Variants in KCNH1 observed in about 807,000 individuals in gnomAD.
KCNH1 encodes voltage-gated delayed rectifier potassium channel KCNH1.
A neutral mutation model predicts 69.2 loss-of-function variants in KCNH1; 27 were observed. The ratio of observed to expected loss-of-function variants is 0.39; its 90% confidence interval spans 0.29 to 0.54. The LOEUF (loss-of-function observed/expected upper bound fraction) is 0.54. KCNH1 is among the 20% of genes least tolerant of loss of function. The pLI is 0.68. For missense variants in KCNH1, 798 were observed against 1,261.6 expected, an observed-to-expected ratio of 0.63 and a Z score of 5.57; for synonymous variants, 456 against 487.7, an observed-to-expected ratio of 0.93 and a Z score of 0.86.
intron 6 of KCNH1, among the ~76,000 whole-genome samples, chr1:210,991,214 A>G (rs967224562): frequency 6.6e-6 from 1 of 152,226 alleles, no homozygotes; most frequent in Non-Finnish European, 1.5e-5. Flanking sequence ...CTAAGTGTCC[A>G]TGGTTGGATG....
chr1:211,038,661 G>C lies in KCNH1; in HGVS notation c.559-19405C>G, dbSNP rs190895982. 1.4e-4 allele frequency among the ~76,000 whole-genome samples: 21 copies of C among 152,294 alleles called. 1 individual carries two copies. Among genetic ancestry groups the C allele is most frequent in the African/African-American group, 5.1e-4 (21 of 41,568 alleles). On this transcript the variant is annotated intron_variant, in intron 5 of 10. Coordinates refer to ENST00000271751, the MANE Select transcript of KCNH1 (RefSeq NM_172362.3). ...GAGATGAGGAACTTGTTGGGGACTG[G>C]AGCAAAGGTGACTCTTGTTATGTTT...
chr1:210,917,509 C>T (rs1166214591), intron 7 of KCNH1, among the ~76,000 whole-genome samples: 1 of 152,150 alleles, frequency 6.6e-6, no homozygotes, highest in African/African-American at 2.4e-5. Flanking sequence ...AAAAAACCCC[C>T]AACTACTTAC....
At chr1:211,077,137 GT>G (rs1345284241) in intron 5 of KCNH1, among the ~76,000 whole-genome samples, 13 of 152,156 alleles carry the variant, frequency 8.5e-5, no homozygotes, top group Non-Finnish European at 1.5e-4. Flanking sequence ...CATTTGATTG[GT>G]GTACCTGAAA....
intron 7 of KCNH1, among the ~76,000 whole-genome samples, chr1:210,849,638 T>G (rs1184395019): frequency 6.6e-6 from 1 of 152,034 alleles, no homozygotes; most frequent in Non-Finnish European, 1.5e-5. Context: ...AGTGCTGGGA[T>G]TACAGGCATG....
At chr1:211,083,606 A>G (rs1690899957) in intron 4 of KCNH1, among the ~76,000 whole-genome samples, 1 of 152,220 alleles carries the variant, frequency 6.6e-6, no homozygotes, top group Admixed American at 6.5e-5. Context: ...TATCAAGGTT[A>G]TGACCATGGC....
intron 4 of KCNH1, among the ~76,000 whole-genome samples, chr1:211,085,955 T>C (rs1352550739): frequency 1.3e-5 from 2 of 152,192 alleles, no homozygotes; most frequent in Non-Finnish European, 2.9e-5. Flanking sequence ...GGAAGGATAC[T>C]GACCTACCCC....
chr1:210,745,073 C>T (rs539203267), intron 10 of KCNH1, among the ~76,000 whole-genome samples: 10 of 152,144 alleles, frequency 6.6e-5, no homozygotes, highest in Non-Finnish European at 1.3e-4. Flanking sequence ...CGTGGTGGTG[C>T]GTGCCTGTAG....
At chr1:210,857,198 G>T (rs371414048) in intron 7 of KCNH1, among the ~76,000 whole-genome samples, 14 of 151,436 alleles carry the variant, frequency 9.2e-5, no homozygotes, top group Non-Finnish European at 2.1e-4. Flanking sequence ...TCACACCAGC[G>T]ACTACACGTT....
intron 1 of KCNH1, among the ~76,000 whole-genome samples, chr1:211,118,706 G>A (rs1465882964): frequency 6.6e-6 from 1 of 152,212 alleles, no homozygotes; most frequent in East Asian, 1.9e-4. Flanking sequence ...GTAGTCAGAA[G>A]TGTCAAAATC....
chr1:211,077,269 C>A (rs1690752836), intron 5 of KCNH1, among the ~76,000 whole-genome samples: 1 of 151,448 alleles, frequency 6.6e-6, no homozygotes, highest in African/African-American at 2.4e-5. Context: ...ACTCCACAGA[C>A]ACTCCTCGGA....
chr1:210,982,401 C>CT (rs1340756547), intron 6 of KCNH1, among the ~76,000 whole-genome samples: 1 of 151,860 alleles, frequency 6.6e-6, no homozygotes, highest in African/African-American at 2.4e-5. Context: ...GGTATATCTC[C>CT]AATGCTATCC....
intron 6 of KCNH1, among the ~76,000 whole-genome samples, chr1:210,925,029 A>T (rs569638015): frequency 6.6e-6 from 1 of 152,360 alleles, no homozygotes; most frequent in East Asian, 1.9e-4. Context: ...AAGCCACTCC[A>T]TAAAACTGAA....
At chr1:210,817,800 A>G (rs767764907) in intron 7 of KCNH1, among the ~76,000 whole-genome samples, 2 of 152,158 alleles carry the variant, frequency 1.3e-5, no homozygotes, top group African/African-American at 2.4e-5. Context: ...CAAACCTAGG[A>G]AGTTTGGATA....
At chr1:210,958,061 T>C (rs1688214443) in intron 6 of KCNH1, among the ~76,000 whole-genome samples, 1 of 152,242 alleles carries the variant, frequency 6.6e-6, no homozygotes, top group African/African-American at 2.4e-5. Context: ...CTGTTGTTCC[T>C]TTCCATGTTT....
At chr1:210,757,559 G>A (rs1021344117) in intron 10 of KCNH1, among the ~76,000 whole-genome samples, 4 of 152,190 alleles carry the variant, frequency 2.6e-5, no homozygotes, top group Non-Finnish European at 5.9e-5. Context: ...GTGCCCAGGT[G>A]CAAATCTCCA....
intron 7 of KCNH1, among the ~76,000 whole-genome samples, chr1:210,843,303 G>A (rs1192230033): frequency 1.3e-5 from 2 of 152,114 alleles, no homozygotes; most frequent in Non-Finnish European, 1.5e-5. Flanking sequence ...AGTGATTGGT[G>A]CTCTATATGC....
intron 9 of KCNH1, among the ~76,000 whole-genome samples, chr1:210,782,029 A>T (rs1683996770): frequency 6.6e-6 from 1 of 151,900 alleles, no homozygotes; most frequent in Non-Finnish European, 1.5e-5. Flanking sequence ...GGCCTGGATG[A>T]CTCCTGCTCA....
At chr1:210,859,586 C>T (rs1685930128) in intron 7 of KCNH1, 3 of 1,534,792 alleles carry the variant, frequency 2.0e-6, no homozygotes, top group African/African-American at 2.7e-5. Context: ...TCATCACTCC[C>T]CAGTTCCTCG....
At chr1:211,111,314 T>C (rs1691456065) in intron 1 of KCNH1, among the ~76,000 whole-genome samples, 1 of 152,062 alleles carries the variant, frequency 6.6e-6, no homozygotes, top group Admixed American at 6.6e-5. Context: ...TCCCACCGTC[T>C]GGGAAGTCAG....
Sources: allele counts gnomAD v4.1 joint callset (sites outside exome capture counted in the v4.1 genomes callset), GRCh38; gene constraint gnomAD v4.1.1; transcripts MANE v1.5; gene names NCBI Gene and HGNC (gene_info 2026-07-23, HGNC 2026-07-21).